RPH3AL: variants seen among roughly 807,000 people sequenced by gnomAD.
The protein encoded by RPH3AL is rabphilin 3A like (without C2 domains), also known as rab effector Noc2.
Under a neutral mutation model 43.1 loss-of-function variants are expected in RPH3AL, and 38 were observed. The observed-to-expected ratio is 0.88, with a 90% CI of 0.68 to 1.15. The LOEUF is 1.15. RPH3AL is among the 50% of genes most tolerant of loss of function. The pLI is 0.00. For synonymous variants in RPH3AL, 189 were observed against 176.3 expected (o/e 1.07, Z -0.57); for missense variants, 462 against 423.2 (o/e 1.09, Z -0.81).
chr17:233,109 A>T (rs905369388), intron 7 of RPH3AL, among the ~76,000 whole-genome samples: 1 of 150,692 alleles, frequency 6.6e-6, no homozygotes, highest in Non-Finnish European at 1.5e-5. Flanking sequence ...GTCTGACGGG[A>T]TTTCGTTTGA....
intron 6 of RPH3AL, among the ~76,000 whole-genome samples, chr17:270,658 T>A (rs1014973158): frequency 2.6e-5 from 4 of 152,044 alleles, no homozygotes; most frequent in Non-Finnish European, 5.9e-5. Flanking sequence ...GAGGCCAGCC[T>A]TGGCAACATC....
chr17:316,307 T>C (rs1275962911), intron 5 of RPH3AL, among the ~76,000 whole-genome samples: 18 of 143,524 alleles, frequency 1.3e-4, no homozygotes, highest in Middle Eastern at 4.0e-3. Flanking sequence ...TCCACCTCCA[T>C]TGACCTGTAG....
At position 334,294 on chromosome 17, in the gene RPH3AL, C is replaced by T. The variant is rs557012690; in HGVS notation, c.-212-360G>A. ...CACAGTGAGAAAAACAACAGCCGCC[C>T]GCAGCTGTCTGTCTCTAACACGTAT... On this transcript the variant is annotated intron_variant, in intron 1 of 9. Transcript: ENST00000331302. 7.2e-5 allele frequency among the ~76,000 whole-genome samples: 11 copies of T among 152,352 alleles called. No individual in the cohort carries two copies. The South Asian group carries it at 1.2e-3, about 17-fold the overall frequency.
rs2042264783 is a variant in RPH3AL, at chr17:264,137, C to G, written c.439-16852G>C. Among the ~76,000 whole-genome samples the G allele has an allele frequency of 6.6e-6, 1 of 152,222 alleles. No homozygotes were observed. The highest frequency in any genetic ancestry group is 2.1e-4 in the South Asian group (1 of 4,836). On this transcript the variant is annotated intron_variant, in intron 6 of 9. Coordinates refer to ENST00000331302, the MANE Select transcript of RPH3AL (RefSeq NM_006987.4). The surrounding 1 kb of genome is among the most constrained non-coding windows in gnomAD (Gnocchi z 4.8). ...CCACACCGATACTGAACAAGCTCAGCAAACGTGAGGTGTACTGAGGTAACA... is the reference window on the plus strand; with the variant it reads ...CCACACCGATACTGAACAAGCTCAGGAAACGTGAGGTGTACTGAGGTAACA...
chr17:265,994 G>A (rs1399509653), intron 6 of RPH3AL, among the ~76,000 whole-genome samples: 1 of 152,230 alleles, frequency 6.6e-6, no homozygotes, highest in East Asian at 1.9e-4. Flanking sequence ...AAGCCCCCAA[G>A]AGGGTCTGAG....
intron 6 of RPH3AL, among the ~76,000 whole-genome samples, chr17:262,268 G>C (rs1383601177): frequency 4.6e-5 from 7 of 152,072 alleles, no homozygotes; most frequent in African/African-American, 1.7e-4. Flanking sequence ...ACCCAGGCTG[G>C]AGTGCAGCGG....
chr17:233,972 G>A (rs1425533918), intron 7 of RPH3AL, among the ~76,000 whole-genome samples: 1 of 89,170 alleles, frequency 1.1e-5, no homozygotes, highest in East Asian at 2.9e-4. Context: ...ACTTCCCCGA[G>A]CAGGGAGCGG....
intron 6 of RPH3AL, 26 bp downstream of exon 6, chr17:281,742 C>A (rs1291231666): frequency 6.3e-7 from 1 of 1,595,018 alleles, no homozygotes; most frequent in African/African-American, 1.3e-5. Context: ...ACTCAGCCCT[C>A]CCCACCGTCA....
intron 5 of RPH3AL, among the ~76,000 whole-genome samples, chr17:317,321 T>A (rs2044297986): frequency 1.3e-5 from 2 of 149,338 alleles, no homozygotes; most frequent in Admixed American, 6.6e-5. Context: ...CTTTAGTCCA[T>A]GTGCCCCACC....
At chr17:337,471 C>G (rs529312854) in intron 1 of RPH3AL, among the ~76,000 whole-genome samples, 1 of 152,300 alleles carries the variant, frequency 6.6e-6, no homozygotes, top group African/African-American at 2.4e-5. Flanking sequence ...CCTTAACCTG[C>G]CTCTTTCCCT....
intron 6 of RPH3AL, among the ~76,000 whole-genome samples, chr17:253,442 G>A (rs1054403986): frequency 2.0e-5 from 3 of 152,146 alleles, no homozygotes; most frequent in Non-Finnish European, 2.9e-5. Flanking sequence ...ATGGACTTCC[G>A]AGCTGCTCCT....
At chr17:348,382 TTAA>T (rs1235192588) in intron 1 of RPH3AL, among the ~76,000 whole-genome samples, 8 of 152,178 alleles carry the variant, frequency 5.3e-5, no homozygotes, top group Non-Finnish European at 1.0e-4. Context: ...CACGTTTCAG[TTAA>T]TAATAATGTA....
intron 7 of RPH3AL, among the ~76,000 whole-genome samples, chr17:228,196 C>T (rs932393805): frequency 1.7e-4 from 26 of 152,282 alleles, no homozygotes; most frequent in Non-Finnish European, 3.2e-4. Flanking sequence ...AACTTTAGGC[C>T]AGTTTCCTAT....
chr17:317,422 C>T (rs2044307536), intron 5 of RPH3AL, among the ~76,000 whole-genome samples: 1 of 150,812 alleles, frequency 6.6e-6, no homozygotes, highest in Non-Finnish European at 1.5e-5. Flanking sequence ...CTGTGCTCCA[C>T]ACCTCCATTG....
At chr17:300,683 C>G (rs1176695185) in intron 5 of RPH3AL, among the ~76,000 whole-genome samples, 1 of 142,400 alleles carries the variant, frequency 7.0e-6, no homozygotes, top group African/African-American at 2.7e-5. Flanking sequence ...CTCTCACCCG[C>G]TCTAGCAGGG....
At chr17:307,162 G>A (rs1414204626) in intron 5 of RPH3AL, among the ~76,000 whole-genome samples, 1 of 148,434 alleles carries the variant, frequency 6.7e-6, no homozygotes, top group East Asian at 2.0e-4. Context: ...CCCATGGCAG[G>A]CCCATCCCAC....
At chr17:250,970 G>A (rs1184383979) in intron 6 of RPH3AL, among the ~76,000 whole-genome samples, 3 of 152,258 alleles carry the variant, frequency 2.0e-5, no homozygotes, top group African/African-American at 7.2e-5. Flanking sequence ...GAGGGCAAAA[G>A]AACACACCGT....
chr17:218,333 T>C (rs71369965), intron 8 of RPH3AL, among the ~76,000 whole-genome samples: 1,310 of 62,710 alleles, frequency 0.021, no homozygotes, highest in African/African-American at 0.034. Flanking sequence ...TCATTCCTGT[T>C]TGGGGCAGTT....
intron 5 of RPH3AL, among the ~76,000 whole-genome samples, chr17:312,086 T>C (rs1055103683): frequency 7.2e-5 from 11 of 152,052 alleles, no homozygotes; most frequent in African/African-American, 2.4e-4. Context: ...GGAGGATTGC[T>C]TGAGGGCTAG....
Sources: gnomAD v4.1 joint callset for allele counts (sites outside exome capture counted in the v4.1 genomes callset) on GRCh38, gnomAD v4.1.1 for gene constraint, Gnocchi (gnomAD v3.1) non-coding constraint, MANE v1.5 for transcripts, NCBI Gene and HGNC (gene_info 2026-07-23, HGNC 2026-07-21) for gene names.